OTUD7A: variants seen among roughly 807,000 people sequenced by gnomAD.
OTUD7A encodes OTU domain-containing protein 7A.
A neutral mutation model predicts 65.7 loss-of-function variants in OTUD7A; 12 were observed. The observed-to-expected ratio is 0.18, with a 90% CI of 0.12 to 0.30. The LOEUF is 0.30. Ranked by LOEUF, OTUD7A falls within the 10% of genes least tolerant of loss-of-function variation. OTUD7A has a pLI of 1.00. For synonymous variants in OTUD7A, 641 were observed against 586.3 expected (o/e 1.09, Z -1.35); for missense variants, 1,148 against 1,304.8 (o/e 0.88, Z 1.85).
At chr15:31,639,418 G>A (rs1891446312) in intron 3 of OTUD7A, among the ~76,000 whole-genome samples, 1 of 148,734 alleles carries the variant, frequency 6.7e-6, no homozygotes, top group Non-Finnish European at 1.5e-5. Flanking sequence ...GTTTACCTGT[G>A]ATGGGTATTT....
chr15:31,625,431 T>C (rs1425363990), intron 3 of OTUD7A, among the ~76,000 whole-genome samples: 2 of 148,316 alleles, frequency 1.3e-5, no homozygotes, highest in Non-Finnish European at 3.0e-5. Flanking sequence ...AAAAAAGAAC[T>C]GCAATGGAAT....
chr15:31,742,792 G>C (rs1894378315), intron 1 of OTUD7A, among the ~76,000 whole-genome samples: 1 of 152,052 alleles, frequency 6.6e-6, no homozygotes, highest in African/African-American at 2.4e-5. Context: ...TATATGACAT[G>C]CAAACTGTGA....
chr15:31,658,142 C>T (rs1315724541), intron 1 of OTUD7A, among the ~76,000 whole-genome samples: 2 of 152,090 alleles, frequency 1.3e-5, no homozygotes, highest in Non-Finnish European at 2.9e-5. Context: ...GCCTCAGTTT[C>T]CTCATCAATA....
intron 1 of OTUD7A, among the ~76,000 whole-genome samples, chr15:31,662,188 C>T (rs1734214214): frequency 6.6e-6 from 1 of 152,188 alleles, no homozygotes; most frequent in Non-Finnish European, 1.5e-5. Context: ...CGTATACTGG[C>T]AGCATAATTC....
At chr15:31,569,891 C>T (rs775084357) in intron 4 of OTUD7A, 127 bp downstream of exon 4, 19 of 976,714 alleles carry the variant, frequency 1.9e-5, no homozygotes, top group Non-Finnish European at 2.6e-5. Context: ...AAAGAAGGCA[C>T]TGAGAGGCCA....
chr15:31,791,165 T>G (rs930087414), intron 1 of OTUD7A, among the ~76,000 whole-genome samples: 1 of 152,168 alleles, frequency 6.6e-6, no homozygotes. Context: ...TAGCTGGGAC[T>G]ACAGGTACAT....
At chr15:31,761,652 C>A (rs1894967012) in intron 1 of OTUD7A, among the ~76,000 whole-genome samples, 1 of 152,048 alleles carries the variant, frequency 6.6e-6, no homozygotes, top group Non-Finnish European at 1.5e-5. Flanking sequence ...CCCATATGAC[C>A]CAGACATTCT....
At chr15:31,853,978 T>C (rs1353456040) in intron 1 of OTUD7A, among the ~76,000 whole-genome samples, 8 of 152,248 alleles carry the variant, frequency 5.3e-5, no homozygotes, top group African/African-American at 1.7e-4. Context: ...AGTGACTTTA[T>C]AAAAATATTT....
rs149872665 is a variant in OTUD7A at position 31,715,540 on chromosome 15, G to GC, written c.-99-58464dup. Among the ~76,000 whole-genome samples the GC allele has an allele frequency of 6.9e-3, 1,037 of 149,528 alleles. 5 individuals are homozygous for GC. Among genetic ancestry groups the GC allele is most frequent in the Non-Finnish European group, 0.01 (701 of 67,870 alleles). On this transcript the variant is annotated intron_variant, in intron 1 of 12. Coordinates refer to ENST00000307050, the MANE Select transcript of OTUD7A (RefSeq NM_001382637.1). ...TGCAGTACCAATCACTTCTTTTGTA[G>GC]CACTACCATTGTCTGTAATAACACT... is the stretch of plus-strand genomic sequence containing the variant.
At chr15:31,727,838 G>T (rs1416691406) in intron 1 of OTUD7A, among the ~76,000 whole-genome samples, 1 of 152,086 alleles carries the variant, frequency 6.6e-6, no homozygotes, top group South Asian at 2.1e-4. Flanking sequence ...CTTCTCAGCC[G>T]CCCCTTCTGA....
chr15:31,803,535 T>TG (rs1315979359), intron 1 of OTUD7A, among the ~76,000 whole-genome samples: 3 of 152,160 alleles, frequency 2.0e-5, no homozygotes, highest in African/African-American at 4.8e-5. Context: ...CTGAGAACAC[T>TG]GGGGGAAGCA....
At chr15:31,743,531 A>G (rs940194172) in intron 1 of OTUD7A, among the ~76,000 whole-genome samples, 3 of 152,188 alleles carry the variant, frequency 2.0e-5, no homozygotes, top group African/African-American at 4.8e-5. Context: ...CACCTTAAGT[A>G]TATATGAAAG....
At chr15:31,524,817 G>T (rs551205725) in intron 8 of OTUD7A, among the ~76,000 whole-genome samples, 1 of 152,302 alleles carries the variant, frequency 6.6e-6, no homozygotes, top group African/African-American at 2.4e-5. Context: ...GTTAGATTAA[G>T]GTTGATCACT....
At chr15:31,860,413 T>C (rs1897687161) in intron 1 of OTUD7A, among the ~76,000 whole-genome samples, 1 of 151,808 alleles carries the variant, frequency 6.6e-6, no homozygotes, top group Admixed American at 6.6e-5. Context: ...TTTCTAATTT[T>C]AATTCCCATA....
rs2042028097 is a variant in OTUD7A, at chr15:31,527,283, G to A, written c.678C>T (p.Asp226=). 1 of 1,614,106 alleles carries A rather than the reference G, an allele frequency of 6.2e-7. No homozygotes were observed. The highest frequency in any genetic ancestry group is 8.5e-7 in the Non-Finnish European group (1 of 1,179,986). Residue 226 remains aspartate, a synonymous_variant, in exon 7 of 13, where the codon GAC becomes GAT. Transcript: ENST00000307050. The part of the protein sequence containing the change: ...SLGMWGFHDR[D]LVLRKALYTM... ...TATAGAGAGCTTTCCGTAACACCAG[G>A]TCCCGGTCGTGAAACCCCCACATTC...
At chr15:31,567,844 A>G (rs554186291) in intron 4 of OTUD7A, among the ~76,000 whole-genome samples, 3 of 152,370 alleles carry the variant, frequency 2.0e-5, no homozygotes, top group African/African-American at 7.2e-5. Context: ...GCTGCTTCAG[A>G]GGGTGCAAGC....
At chr15:31,796,146 T>C (rs1467195014) in intron 1 of OTUD7A, among the ~76,000 whole-genome samples, 1 of 149,936 alleles carries the variant, frequency 6.7e-6, no homozygotes, top group African/African-American at 2.4e-5. Flanking sequence ...GGGGTGCGTG[T>C]GTGTGTGTGT....
intron 3 of OTUD7A, among the ~76,000 whole-genome samples, chr15:31,585,549 G>A (rs186420623): frequency 7.2e-5 from 11 of 152,244 alleles, no homozygotes; most frequent in African/African-American, 2.4e-4. Flanking sequence ...GTCCCCACCC[G>A]GCATCCCCAG....
intron 1 of OTUD7A, among the ~76,000 whole-genome samples, chr15:31,774,426 G>C (rs1008000464): frequency 2.6e-5 from 4 of 152,206 alleles, no homozygotes; most frequent in Non-Finnish European, 5.9e-5. Flanking sequence ...GGAAAATACT[G>C]TCCTCTATGG....
Sources: gnomAD v4.1 joint callset for allele counts (sites outside exome capture counted in the v4.1 genomes callset) on GRCh38, gnomAD v4.1.1 for gene constraint, MANE v1.5 for transcripts, NCBI Gene and HGNC (gene_info 2026-07-23, HGNC 2026-07-21) for gene names.